Variants in TTC34 observed in about 807,000 individuals in gnomAD.
TTC34 encodes the protein tetratricopeptide repeat domain 34.
In TTC34, 44 loss-of-function variants were observed where a neutral mutation model predicts 40.7. That is an observed-to-expected ratio of 1.08 (90% CI 0.85 to 1.39). The LOEUF (loss-of-function observed/expected upper bound fraction) is 1.39, where lower values mean the gene tolerates loss of function less well. TTC34 is among the 40% of genes most tolerant of loss of function. The pLI is 0.00. For missense variants in TTC34, 884 were observed against 838.0 expected, an observed-to-expected ratio of 1.05 and a Z score of -0.68; for synonymous variants, 422 against 398.6, an observed-to-expected ratio of 1.06 and a Z score of -0.70.
intron 2 of TTC34, among the ~76,000 whole-genome samples, chr1:2,797,919 T>G (rs1460600439): frequency 6.6e-6 from 1 of 152,014 alleles, no homozygotes; most frequent in African/African-American, 2.4e-5. Context: ...CACTTCTAAC[T>G]CTCAGACATG....
intron 6 of TTC34, among the ~76,000 whole-genome samples, chr1:2,685,774 T>C (rs1640308162): frequency 1.4e-5 from 2 of 147,264 alleles, no homozygotes; most frequent in African/African-American, 5.1e-5. Context: ...GGTGAGCATC[T>C]GACAGCCTGG....
At chr1:2,642,045 C>T (rs1638918512) in intron 8 of TTC34, 150 bp from the exon 9 acceptor site, 15 of 901,706 alleles carry the variant, frequency 1.7e-5, no homozygotes, top group Non-Finnish European at 2.2e-5. Context: ...CTGCCCGCTG[C>T]TTCTGGAGGG....
At chr1:2,665,027 G>A (rs1489579621) in intron 6 of TTC34, among the ~76,000 whole-genome samples, 1 of 14 alleles carries the variant, frequency 0.071, no homozygotes, top group Non-Finnish European at 0.25. Flanking sequence ...GCATCTGATT[G>A]TCTGGAGCAG....
In TTC34 at chr1:2,686,464, T is replaced by G. The variant is rs1434404078; in HGVS notation, c.2227-40901A>C. ...ACCCCCAGGTGAGCATCTGACAGAC[T>G]GGAACAGCACCCACATGCCCAGCTG... On this transcript the variant is annotated intron_variant, in intron 6 of 8. Transcript: ENST00000401095. Among the ~76,000 whole-genome samples the G allele has an allele frequency of 1.1e-4, 15 of 140,912 alleles. No homozygotes were observed. The East Asian group carries it at 3.1e-3, about 29-fold the overall frequency. The allele number at this position is 140,912 out of a possible 152,430, so 92.4% of individuals were successfully genotyped here.
chr1:2,750,430 T>A lies in TTC34; in HGVS notation c.2226+33179A>T, dbSNP rs1410841618. On this transcript the variant is annotated intron_variant, in intron 6 of 8. Transcript: ENST00000401095. ...CCCCAGGTGCGCACGTGACAGCCTGTAACAGCACCCACACACCCAGGCGAG... is the reference window on the plus strand; with the variant it reads ...CCCCAGGTGCGCACGTGACAGCCTGAAACAGCACCCACACACCCAGGCGAG... Among the ~76,000 whole-genome samples the A allele has an allele frequency of 5.1e-4, 6 of 11,670 alleles. 1 individual carries two copies. Among genetic ancestry groups the A allele is most frequent in the African/African-American group, 2.7e-3 (6 of 2,226 alleles). 7.7% of individuals were successfully genotyped at this position (11,670 alleles called of 152,430 possible).
intron 6 of TTC34, among the ~76,000 whole-genome samples, chr1:2,753,367 C>G (rs1284846190): frequency 6.3e-5 from 8 of 127,500 alleles, no homozygotes; most frequent in Non-Finnish European, 9.7e-5. Flanking sequence ...CCTAGAACAG[C>G]ACCCACACCC....
chr1:2,683,178 G>T lies in TTC34; in HGVS notation c.2227-37615C>A, dbSNP rs1319409643. On this transcript the variant is annotated intron_variant, in intron 6 of 8. Transcript: ENST00000401095. ...CCAGGAGAGCATCCGGCAGCCTGGA[G>T]CGGAACCCACGGCCACAGGCGAGCA... is the stretch of plus-strand genomic sequence containing the variant. Among the ~76,000 whole-genome samples the T allele has an allele frequency of 1.6e-4, 19 of 122,286 alleles. 4 individuals carry two copies. Among genetic ancestry groups the T allele is most frequent in the Middle Eastern group, 0.02 (2 of 102 alleles). 80.2% of individuals were successfully genotyped at this position (122,286 alleles called of 152,430 possible). A position where few individuals can be genotyped will look rare whatever the true frequency, so the allele number is the denominator to read the frequency against.
chr1:2,641,955 C>T, intron 8 of TTC34, 60 bp from the exon 9 acceptor site: 1 of 1,427,280 alleles, frequency 7.0e-7, no homozygotes, highest in Non-Finnish European at 9.2e-7. Flanking sequence ...AGCCCGGCCG[C>T]CCCTGCCCTG....
intron 6 of TTC34, among the ~76,000 whole-genome samples, chr1:2,655,028 T>C (rs1313527292): frequency 2.4e-4 from 20 of 82,858 alleles, no homozygotes; most frequent in African/African-American, 9.7e-4. Flanking sequence ...GGTGAGCATC[T>C]GACAGCCCGG....
At chr1:2,646,796 A>C (rs1164560032) in intron 6 of TTC34, among the ~76,000 whole-genome samples, 1 of 152,278 alleles carries the variant, frequency 6.6e-6, no homozygotes, top group African/African-American at 2.4e-5. Context: ...TCTATCAGGC[A>C]TCAGTTCTCT....
At chr1:2,784,105 T>G (rs1255101791) in intron 5 of TTC34, among the ~76,000 whole-genome samples, 1 of 152,014 alleles carries the variant, frequency 6.6e-6, no homozygotes, top group South Asian at 2.1e-4. Context: ...CCCGAACGGC[T>G]GAGCGCACTG....
intron 6 of TTC34, among the ~76,000 whole-genome samples, chr1:2,752,895 C>A (rs1486057080): frequency 3.1e-4 from 43 of 138,790 alleles, no homozygotes; most frequent in African/African-American, 8.5e-4. Context: ...GCACCCACAC[C>A]CCCAGGTGAG....
chr1:2,650,963 A>G (rs1557583316), intron 6 of TTC34, among the ~76,000 whole-genome samples: 1 of 138,954 alleles, frequency 7.2e-6, no homozygotes, highest in Non-Finnish European at 1.5e-5. Flanking sequence ...GGTGAGCATC[A>G]CACCATCCAA....
At chr1:2,656,075 G>T (rs1272077268) in intron 6 of TTC34, among the ~76,000 whole-genome samples, 1 of 152,112 alleles carries the variant, frequency 6.6e-6, no homozygotes, top group African/African-American at 2.4e-5. Flanking sequence ...GCATCTGATG[G>T]TCTGGAGCAG....
intron 6 of TTC34, among the ~76,000 whole-genome samples, chr1:2,684,129 T>G (rs1290981295): frequency 1.1e-4 from 16 of 152,290 alleles, no homozygotes; most frequent in African/African-American, 3.9e-4. Context: ...CAGGTGAGCA[T>G]CTGACAGACT....
chr1:2,674,121 CA>C (rs1639802898), intron 6 of TTC34, among the ~76,000 whole-genome samples: 1 of 72,152 alleles, frequency 1.4e-5, no homozygotes, highest in South Asian at 3.4e-4. Flanking sequence ...CCCACACCCC[CA>C]GGGGAGCATC....
chr1:2,781,993 T>C (rs867227610), intron 6 of TTC34, among the ~76,000 whole-genome samples: 40 of 152,342 alleles, frequency 2.6e-4, no homozygotes, highest in African/African-American at 9.6e-4. Context: ...TCTTTGGCTA[T>C]GGTATCAGGG....
intron 6 of TTC34, among the ~76,000 whole-genome samples, chr1:2,653,457 G>A (rs796320807): frequency 0.06 from 150 of 2,510 alleles, no homozygotes; most frequent in Non-Finnish European, 0.2. Context: ...ACCCCCAGGT[G>A]TGCACGTGAC....
At chr1:2,654,151 C>T (rs1238422827) in intron 6 of TTC34, among the ~76,000 whole-genome samples, 239 of 138,662 alleles carry the variant, frequency 1.7e-3, no homozygotes, top group East Asian at 4.8e-3. Flanking sequence ...CATCTGAACG[C>T]ACGGAGCAGC....
Sources: allele counts gnomAD v4.1 joint callset (sites outside exome capture counted in the v4.1 genomes callset), GRCh38; gene constraint gnomAD v4.1.1; transcripts MANE v1.5; gene names NCBI Gene and HGNC (gene_info 2026-07-23, HGNC 2026-07-21).